The following ARRB1 variants were observed in gnomAD, a reference collection of about 807,000 sequenced individuals.
ARRB1 encodes the protein arrestin beta 1.
ARRB1 carries 21 observed loss-of-function variants against 56.8 expected under a neutral mutation model. The ratio of observed to expected loss-of-function variants is 0.37; its 90% CI spans 0.26 to 0.53. The LOEUF (loss-of-function observed/expected upper bound fraction) is 0.53, where lower values mean the gene tolerates loss of function less well. ARRB1 is among the 20% of genes least tolerant of loss of function. The pLI is 0.88. For missense variants in ARRB1, 424 were observed against 553.7 expected, an observed-to-expected ratio of 0.77 and a Z score of 2.35; for synonymous variants, 210 against 218.6, an observed-to-expected ratio of 0.96 and a Z score of 0.35.
chr11:75,306,933 CAG>C (rs1238645560), intron 1 of ARRB1, among the ~76,000 whole-genome samples: 3 of 152,174 alleles, frequency 2.0e-5, no homozygotes, highest in Non-Finnish European at 4.4e-5. Flanking sequence ...TGCATGGAGA[CAG>C]GGGCTCACCA....
At chr11:75,293,570 A>G (rs1346065070) in intron 1 of ARRB1, among the ~76,000 whole-genome samples, 2 of 152,318 alleles carry the variant, frequency 1.3e-5, no homozygotes, top group Non-Finnish European at 2.9e-5. Flanking sequence ...TGCCAGAGGC[A>G]GGGTCTGCCT....
Position 75,290,053 on chromosome 11 carries a change from G to A in ARRB1, c.21-14C>T. 2 of 1,614,198 alleles carry A rather than the reference G, an allele frequency of 1.2e-6. No homozygotes were observed. Among genetic ancestry groups the A allele is most frequent in the Non-Finnish European group, 1.7e-6 (2 of 1,180,026 alleles). ...TTCTTGAACACTCTGTGGAGAGAAA[G>A]AGAGGTCAGGCCAGGGTTCGCGTAT... On this transcript the variant is annotated splice_polypyrimidine_tract_variant and intron_variant, in intron 1 of 15. Coordinates refer to ENST00000420843, the MANE Select transcript of ARRB1 (RefSeq NM_004041.5).
chr11:75,309,166 A>G lies in ARRB1; in HGVS notation c.21-19127T>C, dbSNP rs373388997. Among the ~76,000 whole-genome samples, 915 of 152,182 alleles carry G rather than the reference A, an allele frequency of 6.0e-3. 9 individuals carry two copies. Among genetic ancestry groups the G allele is most frequent in the African/African-American group, 0.021 (876 of 41,572 alleles). ...GGCCTGGGGAGGCCAGAGGCCCACA[A>G]ATGGGCGCAGCCAGCATCAAAGTGC... On this transcript the variant is annotated intron_variant, in intron 1 of 15. Coordinates refer to ENST00000420843, the MANE Select transcript of ARRB1 (RefSeq NM_004041.5).
chr11:75,344,275 C>T (rs1403657787), intron 1 of ARRB1, among the ~76,000 whole-genome samples: 3 of 152,326 alleles, frequency 2.0e-5, no homozygotes, highest in Non-Finnish European at 4.4e-5. Context: ...CTGGTGGTCT[C>T]AGTCCCACTG....
intron 7 of ARRB1, 160 bp downstream of exon 7, chr11:75,280,915 C>T (rs1946319118): frequency 1.3e-6 from 1 of 795,064 alleles, no homozygotes; most frequent in Non-Finnish European, 2.0e-6. Context: ...CCAAGGAAGC[C>T]CTCCGTGACC....
At chr11:75,297,931 A>G (rs1946799994) in intron 1 of ARRB1, among the ~76,000 whole-genome samples, 2 of 116,224 alleles carry the variant, frequency 1.7e-5, no homozygotes, top group Non-Finnish European at 1.7e-5. Context: ...AGCTGCAGCT[A>G]TAAAACTCTT....
chr11:75,312,160 G>A (rs1036125576), intron 1 of ARRB1: 5 of 1,287,986 alleles, frequency 3.9e-6, no homozygotes, highest in African/African-American at 3.0e-5. Flanking sequence ...CTCCACCCTC[G>A]CCCTCCCCGG....
intron 1 of ARRB1, among the ~76,000 whole-genome samples, chr11:75,336,689 C>T (rs953650998): frequency 2.0e-5 from 3 of 152,094 alleles, no homozygotes; most frequent in Admixed American, 6.5e-5. Flanking sequence ...GGCTGGGTGC[C>T]AAGGACACAT....
rs1283034278 is a variant in ARRB1 at position 75,261,717 on chromosome 11, G to C, written c.*4446C>G. The C allele has an allele frequency of 6.6e-6, 1 of 152,276 alleles. No homozygotes were observed. Among genetic ancestry groups the C allele is most frequent in the Non-Finnish European group, 1.5e-5 (1 of 68,110 alleles). 9.4% of individuals were successfully genotyped at this position (152,276 alleles called of 1,614,324 possible). ...GCAGTGACCCTGTGGGGAAGTGGTA[G>C]AGGTGGGGTCCTGCCACTTTCGTCC... On this transcript the variant is annotated 3_prime_UTR_variant, in exon 16 of 16. Coordinates refer to ENST00000420843, the MANE Select transcript of ARRB1 (RefSeq NM_004041.5).
intron 1 of ARRB1, among the ~76,000 whole-genome samples, chr11:75,301,889 G>T (rs916510667): frequency 6.6e-6 from 1 of 152,164 alleles, no homozygotes. Flanking sequence ...AGCCCAGGAG[G>T]GGGAAGGAGG....
intron 1 of ARRB1, among the ~76,000 whole-genome samples, chr11:75,330,365 C>G (rs540084267): frequency 1.7e-4 from 26 of 152,282 alleles, no homozygotes; most frequent in Admixed American, 8.5e-4. Context: ...TCTCCCCACC[C>G]CACCCCATAA....
intron 13 of ARRB1, among the ~76,000 whole-genome samples, chr11:75,270,252 G>A (rs935223268): frequency 1.3e-5 from 2 of 152,212 alleles, no homozygotes; most frequent in African/African-American, 4.8e-5. Flanking sequence ...AGGCCAAGGC[G>A]GGCAGATCCC....
intron 12 of ARRB1, 113 bp from the exon 13 acceptor site, chr11:75,271,837 C>G (rs1173044054): frequency 2.5e-6 from 3 of 1,184,658 alleles, no homozygotes; most frequent in Non-Finnish European, 3.6e-6. Flanking sequence ...AGAAGACCCA[C>G]GGGACACACT....
chr11:75,335,478 A>G (rs678956), intron 1 of ARRB1, among the ~76,000 whole-genome samples: 108,349 of 151,948 alleles, frequency 0.71, 39,757 homozygotes, highest in African/African-American at 0.89. Flanking sequence ...CCAGCTACTC[A>G]GGAGGCTGAG....
chr11:75,301,939 G>A (rs192626782), intron 1 of ARRB1, among the ~76,000 whole-genome samples: 4 of 152,264 alleles, frequency 2.6e-5, no homozygotes, highest in Admixed American at 1.3e-4. Context: ...AGAGATTTCC[G>A]GAGCCTGAGG....
At chr11:75,280,141 G>A (rs567624789) in intron 7 of ARRB1, among the ~76,000 whole-genome samples, 2 of 152,254 alleles carry the variant, frequency 1.3e-5, no homozygotes, top group African/African-American at 4.8e-5. Flanking sequence ...GGTGAGAGGG[G>A]TGGCTCTCGA....
At chr11:75,330,395 C>A (rs966047545) in intron 1 of ARRB1, among the ~76,000 whole-genome samples, 4 of 151,344 alleles carry the variant, frequency 2.6e-5, no homozygotes, top group African/African-American at 9.7e-5. Context: ...CCACCCTGAT[C>A]CTCTAATCTC....
rs779948798 is a variant in ARRB1, at chr11:75,266,291, G to A, written c.1146-17C>T. 1.1e-5 allele frequency: 17 copies of A among 1,603,860 alleles called. No individual in the cohort carries two copies. The Admixed American group carries it at 2.8e-4, about 27-fold the overall frequency. Reference sequence around the variant, plus strand: ...TCGTCATCACTGGTGGGAGAGACAAGGAAAATGTGGTGTGTTTGCAGGGGC... The same window carrying A: ...TCGTCATCACTGGTGGGAGAGACAAAGAAAATGTGGTGTGTTTGCAGGGGC... On this transcript the variant is annotated splice_polypyrimidine_tract_variant and intron_variant, in intron 15 of 15. Coordinates refer to ENST00000420843, the MANE Select transcript of ARRB1 (RefSeq NM_004041.5).
At chr11:75,279,043 A>C (rs2140417967) in intron 7 of ARRB1, among the ~76,000 whole-genome samples, 1 of 152,336 alleles carries the variant, frequency 6.6e-6, no homozygotes, top group East Asian at 1.9e-4. Context: ...CCAAATAGGT[A>C]ACATTGTCAC....
Sources: gnomAD v4.1 joint callset for allele counts (sites outside exome capture counted in the v4.1 genomes callset) on GRCh38, gnomAD v4.1.1 for gene constraint, MANE v1.5 for transcripts, NCBI Gene and HGNC (gene_info 2026-07-23, HGNC 2026-07-21) for gene names.